TRPS1: variants seen among roughly 807,000 people sequenced by gnomAD.
TRPS1 encodes zinc finger transcription factor Trps1.
Under a neutral mutation model 101.2 loss-of-function variants are expected in TRPS1, and 6 were observed. That is an observed-to-expected ratio of 0.06 (90% confidence interval 0.03 to 0.12). The LOEUF is 0.12. Among genes scored for constraint, TRPS1 ranks in the 10% least tolerant of loss-of-function variants. TRPS1 has a pLI of 1.00. For missense variants in TRPS1, 1,363 were observed against 1,567.0 expected (o/e 0.87, Z 2.20); for synonymous variants, 578 against 589.8 (o/e 0.98, Z 0.29).
chr8:115,643,952 GGTGACTGC>G (rs1406479483), intron 1 of TRPS1, among the ~76,000 whole-genome samples: 2 of 152,174 alleles, frequency 1.3e-5, no homozygotes, highest in African/African-American at 2.4e-5. Flanking sequence ...GAGCTTCTGG[GGTGACTGC>G]GTGCATTGTC....
intron 5 of TRPS1, among the ~76,000 whole-genome samples, chr8:115,535,969 A>T (rs1350038604): frequency 6.6e-6 from 1 of 152,074 alleles, no homozygotes; most frequent in Non-Finnish European, 1.5e-5. Context: ...TACAAAAATA[A>T]ATACACTCAA....
chr8:115,665,267 A>G (rs1811894269), intron 1 of TRPS1, among the ~76,000 whole-genome samples: 1 of 152,206 alleles, frequency 6.6e-6, no homozygotes, highest in African/African-American at 2.4e-5. Flanking sequence ...AAGGTAAGAC[A>G]AGCGTTTATA....
intron 5 of TRPS1, among the ~76,000 whole-genome samples, chr8:115,458,469 T>A (rs2129959411): frequency 6.6e-6 from 1 of 152,336 alleles, no homozygotes; most frequent in East Asian, 1.9e-4. Context: ...TGTGGTGTCA[T>A]TCAGGGCGAC....
chr8:115,427,645 C>T (rs988979765), intron 5 of TRPS1, among the ~76,000 whole-genome samples: 2 of 151,910 alleles, frequency 1.3e-5, no homozygotes, highest in Non-Finnish European at 2.9e-5. Context: ...GAATTTTTAC[C>T]AAAAATATTA....
intron 5 of TRPS1, among the ~76,000 whole-genome samples, chr8:115,556,375 G>A (rs1288453149): frequency 1.3e-5 from 2 of 151,870 alleles, no homozygotes; most frequent in Non-Finnish European, 2.9e-5. Context: ...TATTTAAATT[G>A]CCTATTAACA....
chr8:115,420,229 G>C (rs764019490), intron 5 of TRPS1, among the ~76,000 whole-genome samples: 1 of 152,114 alleles, frequency 6.6e-6, no homozygotes, highest in Non-Finnish European at 1.5e-5. Context: ...GCAAATGTTG[G>C]GTGTCAGTCT....
chr8:115,608,739 C>A (rs1313509285), intron 3 of TRPS1, among the ~76,000 whole-genome samples: 1 of 151,576 alleles, frequency 6.6e-6, no homozygotes, highest in Non-Finnish European at 1.5e-5. Flanking sequence ...TAGCCACTAG[C>A]CACAAGTAGG....
At chr8:115,640,497 A>G (rs971879586) in intron 1 of TRPS1, among the ~76,000 whole-genome samples, 2 of 152,226 alleles carry the variant, frequency 1.3e-5, no homozygotes, top group Non-Finnish European at 2.9e-5. Flanking sequence ...TTTAAAAGAC[A>G]CAGGTCTACT....
intron 5 of TRPS1, among the ~76,000 whole-genome samples, chr8:115,426,714 A>G (rs1813195338): frequency 6.6e-6 from 1 of 152,206 alleles, no homozygotes; most frequent in African/African-American, 2.4e-5. Context: ...ATATTTACAA[A>G]TAACTTTAAC....
chr8:115,415,641 A>G (rs1369535343), intron 6 of TRPS1, among the ~76,000 whole-genome samples: 1 of 152,124 alleles, frequency 6.6e-6, no homozygotes, highest in East Asian at 1.9e-4. Context: ...CCCTAATCCA[A>G]TGGGGCTGTG....
intron 5 of TRPS1, among the ~76,000 whole-genome samples, chr8:115,569,350 A>G (rs571364286): frequency 4.6e-5 from 7 of 152,186 alleles, no homozygotes; most frequent in African/African-American, 1.4e-4. Context: ...CTTTACTTCC[A>G]CTAATTTGCT....
intron 5 of TRPS1, among the ~76,000 whole-genome samples, chr8:115,528,062 G>C (rs1418971136): frequency 6.6e-6 from 1 of 152,050 alleles, no homozygotes; most frequent in Non-Finnish European, 1.5e-5. Context: ...CCTTCTTGCT[G>C]ACATTCTTTC....
intron 1 of TRPS1, among the ~76,000 whole-genome samples, chr8:115,635,736 A>C (rs1018005207): frequency 2.6e-5 from 4 of 152,158 alleles, no homozygotes; most frequent in Non-Finnish European, 5.9e-5. Flanking sequence ...GAGACCTGGG[A>C]AAGGCCCAGA....
At chr8:115,575,553 T>C (rs916467387) in intron 5 of TRPS1, among the ~76,000 whole-genome samples, 10 of 152,064 alleles carry the variant, frequency 6.6e-5, no homozygotes, top group Non-Finnish European at 1.5e-4. Flanking sequence ...GGAAAGATAA[T>C]GCCAAGAAAT....
In TRPS1 at chr8:115,418,999, A is replaced by G. The variant is rs1226385520; in HGVS notation, c.2701-547T>C. The stretch of plus-strand genomic sequence containing the variant: ...CGTTTGCAATTGTAAAATCTGAAAG[A>G]TTCCTCTATTCCTCAAACGTGAGAG... On this transcript the variant is annotated intron_variant, in intron 5 of 6. Coordinates refer to ENST00000395715, the MANE Select transcript of TRPS1 (RefSeq NM_014112.5). This position sits in a 1 kb window ranked among gnomAD's most constrained non-coding sequence, Gnocchi z 4.3. 2.0e-5 allele frequency among the ~76,000 whole-genome samples: 3 copies of G among 152,226 alleles called. No individual in the cohort carries two copies. The highest frequency in any genetic ancestry group is 2.0e-4 in the Admixed American group (3 of 15,272).
At chr8:115,624,896 T>C (rs1235449946) in intron 1 of TRPS1, among the ~76,000 whole-genome samples, 2 of 151,792 alleles carry the variant, frequency 1.3e-5, no homozygotes, top group African/African-American at 4.8e-5. Context: ...TTGAGTTTTC[T>C]ATCATTATCT....
At chr8:115,456,636 A>C (rs1814032619) in intron 5 of TRPS1, among the ~76,000 whole-genome samples, 1 of 152,114 alleles carries the variant, frequency 6.6e-6, no homozygotes, top group Non-Finnish European at 1.5e-5. Context: ...ACATTGGAAA[A>C]ATTTCTGGAC....
intron 1 of TRPS1, among the ~76,000 whole-genome samples, chr8:115,657,312 G>A (rs1238054072): frequency 1.3e-5 from 2 of 152,092 alleles, no homozygotes; most frequent in African/African-American, 2.4e-5. Flanking sequence ...CTAAAAATCA[G>A]TTACAAATTC....
chr8:115,524,317 TC>T (rs1815940129), intron 5 of TRPS1, among the ~76,000 whole-genome samples: 1 of 134,244 alleles, frequency 7.4e-6, no homozygotes, highest in African/African-American at 2.9e-5. Flanking sequence ...TTCTTCTTCT[TC>T]CTTTTTTTTT....
Sources: allele counts gnomAD v4.1 joint callset (sites outside exome capture counted in the v4.1 genomes callset), GRCh38; gene constraint gnomAD v4.1.1; non-coding constraint Gnocchi (gnomAD v3.1); transcripts MANE v1.5; gene names NCBI Gene and HGNC (gene_info 2026-07-23, HGNC 2026-07-21).